TP63: variants seen among roughly 807,000 people sequenced by gnomAD.
TP63 encodes the protein tumor protein p63.
Under a neutral mutation model 82.8 loss-of-function variants are expected in TP63, and 17 were observed. The observed-to-expected ratio is 0.21, with a 90% CI of 0.14 to 0.31. The LOEUF (loss-of-function observed/expected upper bound fraction) is 0.31. TP63 is among the 10% of genes least tolerant of loss of function. TP63 has a pLI of 1.00. For synonymous variants in TP63, 330 were observed against 321.7 expected (o/e 1.03, Z -0.28); for missense variants, 648 against 895.3 (o/e 0.72, Z 3.52).
intron 1 of TP63, among the ~76,000 whole-genome samples, chr3:189,672,517 A>G (rs1304276145): frequency 6.6e-6 from 1 of 151,900 alleles, no homozygotes; most frequent in Non-Finnish European, 1.5e-5. Flanking sequence ...TGGGAGGATT[A>G]CTTGAACCTG....
Position 189,895,110 on chromosome 3 carries a change from C to G in TP63, c.*608C>G, listed in dbSNP as rs1721373606. The G allele has an allele frequency of 4.5e-6, 1 of 221,038 alleles. No individual in the cohort carries two copies. The highest frequency in any genetic ancestry group is 2.2e-5 in the African/African-American group (1 of 44,606). 13.7% of individuals were successfully genotyped at this position (221,038 alleles called of 1,614,324 possible). A position where few individuals can be genotyped will look rare whatever the true frequency, so the allele number is the denominator to read the frequency against. On this transcript the variant is annotated 3_prime_UTR_variant, in exon 14 of 14. Coordinates refer to ENST00000264731, the MANE Select transcript of TP63 (RefSeq NM_003722.5). Reference sequence around the variant, plus strand: ...TGCCACATCAAACCTTTGAGTAGATCCATTTCCATTGCTTATTATGTAGGT... The same window carrying G: ...TGCCACATCAAACCTTTGAGTAGATGCATTTCCATTGCTTATTATGTAGGT...
At chr3:189,655,940 A>C (rs1020409332) in intron 1 of TP63, among the ~76,000 whole-genome samples, 4 of 152,190 alleles carry the variant, frequency 2.6e-5, no homozygotes, top group African/African-American at 9.6e-5. Context: ...ATGACCTATT[A>C]TCCATAAGAA....
chr3:189,631,120 G>T, upstream of TP63: 1 of 577,410 alleles, frequency 1.7e-6, no homozygotes, highest in Non-Finnish European at 2.2e-6. Context: ...ATTAAACTCT[G>T]ATGCCATTCA....
At chr3:189,597,408 T>A in the TP63 span, among the ~76,000 whole-genome samples, 1 of 124,330 alleles carries the variant, frequency 8.0e-6, no homozygotes, top group Non-Finnish European at 1.8e-5. Context: ...TTTAAAGAGA[T>A]ATGCTCAAAC....
At chr3:189,664,461 A>T (rs1175606228) in intron 1 of TP63, among the ~76,000 whole-genome samples, 2 of 152,156 alleles carry the variant, frequency 1.3e-5, no homozygotes, top group Non-Finnish European at 2.9e-5. Flanking sequence ...ATGCTCTGTG[A>T]TGCAACATGC....
chr3:189,855,193 A>G (rs1716133462), intron 4 of TP63, among the ~76,000 whole-genome samples: 1 of 152,206 alleles, frequency 6.6e-6, no homozygotes, highest in Non-Finnish European at 1.5e-5. Flanking sequence ...ACAAAAATAC[A>G]ATTGAAGAAC....
intron 1 of TP63, among the ~76,000 whole-genome samples, chr3:189,690,608 C>A (rs957704689): frequency 1.3e-5 from 2 of 152,152 alleles, no homozygotes; most frequent in Non-Finnish European, 2.9e-5. Context: ...TGGGTGATAC[C>A]TGGCAGCTCA....
intron 3 of TP63, among the ~76,000 whole-genome samples, chr3:189,755,896 C>T (rs953524149): frequency 3.3e-5 from 5 of 152,012 alleles, no homozygotes; most frequent in South Asian, 4.1e-4. Flanking sequence ...TAGTGTCTCT[C>T]GATATACCTT....
chr3:189,648,153 T>C (rs1171588856), intron 1 of TP63, among the ~76,000 whole-genome samples: 1 of 146,960 alleles, frequency 6.8e-6, no homozygotes, highest in Non-Finnish European at 1.5e-5. Flanking sequence ...GAACAAGAAG[T>C]AATGGAAGAG....
At chr3:189,774,607 A>G (rs1476502291) in intron 3 of TP63, among the ~76,000 whole-genome samples, 3 of 152,154 alleles carry the variant, frequency 2.0e-5, no homozygotes, top group African/African-American at 7.2e-5. Context: ...TTCCCACTTT[A>G]TAATTTATAA....
intron 1 of TP63, among the ~76,000 whole-genome samples, chr3:189,724,009 A>AT (rs34805260): frequency 7.1e-4 from 83 of 116,538 alleles, no homozygotes; most frequent in African/African-American, 1.8e-3. Flanking sequence ...CCTGGCTTTC[A>AT]TTTTTTTTTT....
chr3:189,606,216 C>T, the TP63 span, among the ~76,000 whole-genome samples: 1 of 152,028 alleles, frequency 6.6e-6, no homozygotes, highest in Admixed American at 6.6e-5. Context: ...AATTTAATTG[C>T]ATACTAATTG....
At chr3:189,779,579 A>G (rs1350621798) in intron 3 of TP63, among the ~76,000 whole-genome samples, 1 of 152,198 alleles carries the variant, frequency 6.6e-6, no homozygotes, top group Admixed American at 6.5e-5. Context: ...TCTGATATGG[A>G]ATTCCTGCAC....
chr3:189,657,519 T>C (rs187292031), intron 1 of TP63, among the ~76,000 whole-genome samples: 103 of 152,176 alleles, frequency 6.8e-4, no homozygotes, highest in African/African-American at 2.4e-3. Context: ...GACATAAAAA[T>C]TGCACTCTCT....
In TP63 at chr3:189,805,144, A is replaced by G. The variant is rs903793208; in HGVS notation, c.325-3128A>G. Among the ~76,000 whole-genome samples, 4 of 152,202 alleles carry G rather than the reference A, an allele frequency of 2.6e-5. No homozygotes were observed. The South Asian group carries it at 6.2e-4, about 24-fold the overall frequency. On this transcript the variant is annotated intron_variant, in intron 3 of 13. Transcript: ENST00000264731. ...TGCTTCTCAATGGTTCAGTCTTTCT[A>G]TCATTCCAAAGGACTCTTGTGACTC...
chr3:189,741,027 C>T (rs562990169), intron 3 of TP63, among the ~76,000 whole-genome samples: 1 of 152,012 alleles, frequency 6.6e-6, no homozygotes, highest in Non-Finnish European at 1.5e-5. Context: ...CATAGTAGGT[C>T]CCCATAGTAG....
chr3:189,634,304 T>G (rs1024007992), intron 1 of TP63, among the ~76,000 whole-genome samples: 4 of 152,074 alleles, frequency 2.6e-5, no homozygotes, highest in African/African-American at 7.2e-5. Context: ...TATCTTGATA[T>G]TTTTAACTCC....
At chr3:189,879,922 G>A in intron 10 of TP63, 1 of 1,188,680 alleles carries the variant, frequency 8.4e-7, no homozygotes, top group South Asian at 2.8e-5. Flanking sequence ...TAAATTGGAA[G>A]AACAAAAATA....
At chr3:189,642,619 G>A (rs1263973192) in intron 1 of TP63, among the ~76,000 whole-genome samples, 2 of 151,982 alleles carry the variant, frequency 1.3e-5, no homozygotes, top group Non-Finnish European at 2.9e-5. Flanking sequence ...AAAATTAAAT[G>A]AGTTAATTGT....
Sources: gnomAD v4.1 joint callset for allele counts (sites outside exome capture counted in the v4.1 genomes callset) on GRCh38, gnomAD v4.1.1 for gene constraint, MANE v1.5 for transcripts, NCBI Gene and HGNC (gene_info 2026-07-23, HGNC 2026-07-21) for gene names.